The following SLC24A1 variants were observed in gnomAD, a reference collection of about 807,000 sequenced individuals.
The protein encoded by SLC24A1 is solute carrier family 24 member 1.
Under a neutral mutation model 88.1 loss-of-function variants are expected in SLC24A1, and 52 were observed. The observed-to-expected ratio is 0.59, with a 90% CI of 0.47 to 0.74. The LOEUF (loss-of-function observed/expected upper bound fraction) is 0.74. Among genes scored for constraint, SLC24A1 ranks in the 30% least tolerant of loss-of-function variants. SLC24A1 has a pLI of 0.00. For missense variants in SLC24A1, 1,173 were observed against 1,363.3 expected, an observed-to-expected ratio of 0.86 and a Z score of 2.20; for synonymous variants, 455 against 498.0, an observed-to-expected ratio of 0.91 and a Z score of 1.15.
chr15:65,660,313 A>G (rs1266336364), downstream of SLC24A1: 5 of 1,534,850 alleles, frequency 3.3e-6, no homozygotes, highest in Non-Finnish European at 4.4e-6. Flanking sequence ...GCATGGTGCT[A>G]TTCACTAATG....
chr15:65,644,225 G>C, intron 4 of SLC24A1: 1 of 598,368 alleles, frequency 1.7e-6, no homozygotes, highest in South Asian at 1.9e-5. Flanking sequence ...ACAATGCAGA[G>C]AATGTAAGAC....
intron 3 of SLC24A1, 115 bp from the exon 4 acceptor site, chr15:65,639,480 G>C: frequency 3.0e-6 from 2 of 662,488 alleles, no homozygotes; most frequent in Non-Finnish European, 5.5e-6. Context: ...TCAGGATAAG[G>C]CATCTGTGCT....
rs775409795 is a variant in SLC24A1, at chr15:65,655,854, A to G, written c.*1775A>G. 213 of 984,958 alleles carry G rather than the reference A, an allele frequency of 2.2e-4. No individual in the cohort carries two copies. Among genetic ancestry groups the G allele is most frequent in the Non-Finnish European group, 2.4e-4 (200 of 829,624 alleles). The allele number at this position is 984,958 out of a possible 1,614,324, so 61.0% of individuals were successfully genotyped here. ...AAATTTCAATAAACTGTGAATCCCA[A>G]TGGTATTTTACTTTACAACATGGAT... On this transcript the variant is annotated 3_prime_UTR_variant, in exon 10 of 10. Coordinates refer to ENST00000261892, the MANE Select transcript of SLC24A1 (RefSeq NM_004727.3).
At position 65,654,733 on chromosome 15, in the gene SLC24A1, T is replaced by G. The variant is rs1468244630; in HGVS notation, c.*654T>G. 2 of 1,248,806 alleles carry G rather than the reference T, an allele frequency of 1.6e-6. No homozygotes were observed. Among genetic ancestry groups the G allele is most frequent in the African/African-American group, 3.1e-5 (2 of 64,390 alleles). The allele number at this position is 1,248,806 out of a possible 1,614,324, so 77.4% of individuals were successfully genotyped here. On this transcript the variant is annotated 3_prime_UTR_variant, in exon 10 of 10. Coordinates refer to ENST00000261892, the MANE Select transcript of SLC24A1 (RefSeq NM_004727.3). ...TTTTTTTTTTTTTTTGAGACAGAGTTTGGCTCTTGTTGCCCAGGCTGGTGT... is the reference window on the plus strand; with the variant it reads ...TTTTTTTTTTTTTTTGAGACAGAGTGTGGCTCTTGTTGCCCAGGCTGGTGT...
At chr15:65,644,787 G>A (rs1046589993) in intron 5 of SLC24A1, among the ~76,000 whole-genome samples, 2 of 152,206 alleles carry the variant, frequency 1.3e-5, no homozygotes, top group Non-Finnish European at 2.9e-5. Context: ...TGGGGTAGGC[G>A]AGGGAAGGCT....
At chr15:65,652,978 A>G (rs534228602) in intron 9 of SLC24A1, 170 bp downstream of exon 9, 2 of 510,660 alleles carry the variant, frequency 3.9e-6, no homozygotes, top group Non-Finnish European at 6.6e-6. Context: ...TCATAGCCAG[A>G]TGGGATAATA....
chr15:65,651,104 G>T (rs1303010460), intron 7 of SLC24A1, among the ~76,000 whole-genome samples, 162 bp downstream of exon 7: 1 of 152,122 alleles, frequency 6.6e-6, no homozygotes, highest in East Asian at 1.9e-4. Context: ...CTTGGAGGGG[G>T]ACTATGTGCT....
chr15:65,618,397 T>C (rs1304446365), upstream of SLC24A1, among the ~76,000 whole-genome samples: 1 of 152,226 alleles, frequency 6.6e-6, no homozygotes, highest in Non-Finnish European at 1.5e-5. Flanking sequence ...CTGTATATAA[T>C]TGACTATTGT....
chr15:65,625,093 C>T lies in SLC24A1; in HGVS notation c.1013C>T (p.Ala338Val). The T allele has an allele frequency of 1.9e-6, 3 of 1,613,662 alleles. No individual in the cohort carries two copies. Among genetic ancestry groups the T allele is most frequent in the Non-Finnish European group, 2.5e-6 (3 of 1,179,868 alleles). The change falls in exon 2 of 10, where the codon GCC (alanine) becomes GTC (valine). Residue 338 changes from alanine (A) to valine (V), a missense_variant. By Grantham distance (64) the Ala-to-Val change is moderately conservative (BLOSUM62 0). Transcript: ENST00000261892. ...GGCAGCAGCCCAGCAGAAACCAAAG[C>T]CTTCACTGCTGCCTGGAGTCTTAGG... Reference protein sequence around the residue: ...MTGSSPAETKAFTAAWSLRNP... With the variant: ...MTGSSPAETKVFTAAWSLRNP...
chr15:65,649,915 C>T (rs988200801), intron 6 of SLC24A1, among the ~76,000 whole-genome samples: 3 of 152,138 alleles, frequency 2.0e-5, no homozygotes, highest in African/African-American at 4.8e-5. Context: ...TTTTGGATGC[C>T]CTCCTCCTGG....
In SLC24A1 at chr15:65,650,922, G is replaced by A; in HGVS notation, c.2773G>A (p.Val925Ile). 6.2e-7 allele frequency: 1 copy of A among 1,613,972 alleles called. No homozygotes were observed. Among genetic ancestry groups the A allele is most frequent in the East Asian group, 2.2e-5 (1 of 44,862 alleles). The change falls in exon 7 of 10, where the codon GTC (valine) becomes ATC (isoleucine). Residue 925 changes from valine (V) to isoleucine (I), a missense_variant. Physicochemically the swap from Val to Ile is conservative, Grantham distance 29 (BLOSUM62 3). Coordinates refer to ENST00000261892, the MANE Select transcript of SLC24A1 (RefSeq NM_004727.3). The surrounding 1 kb of genome is among the most constrained non-coding windows in gnomAD (Gnocchi z 4.1). Reference sequence around the variant, plus strand: ...CATCGTGTTCCCACTGTGGCTGACAGTCCCCGACGTCCGAAGGCAGGTGAG... The same window carrying A: ...CATCGTGTTCCCACTGTGGCTGACAATCCCCGACGTCCGAAGGCAGGTGAG... ...LPIVFPLWLT[V>I]PDVRRQESRK...
intron 3 of SLC24A1, among the ~76,000 whole-genome samples, chr15:65,638,951 A>C (rs2075030890): frequency 1.3e-5 from 2 of 152,206 alleles, no homozygotes; most frequent in Non-Finnish European, 2.9e-5. Context: ...GTGTCTGTAC[A>C]GTATAGATGT....
rs2075454377 is a variant in SLC24A1 at position 65,650,356 on chromosome 15, A to G, written c.2233-26A>G. The G allele has an allele frequency of 9.1e-6, 14 of 1,539,382 alleles. No individual in the cohort carries two copies. The highest frequency in any genetic ancestry group is 1.2e-5 in the Non-Finnish European group (14 of 1,137,392). On this transcript the variant is annotated intron_variant, in intron 6 of 9. Coordinates refer to ENST00000261892, the MANE Select transcript of SLC24A1 (RefSeq NM_004727.3). The surrounding 1 kb of genome is among the most constrained non-coding windows in gnomAD (Gnocchi z 4.1). ...AAAACAAGCAGAGCAGTTACCACACATTAATCTGTTGGTTTTGGATTGCAG... is the reference window on the plus strand; with the variant it reads ...AAAACAAGCAGAGCAGTTACCACACGTTAATCTGTTGGTTTTGGATTGCAG...
Position 65,648,057 on chromosome 15 carries a change from G to A in SLC24A1, c.2233-2325G>A, listed in dbSNP as rs377172410. 4.5e-4 allele frequency among the ~76,000 whole-genome samples: 69 copies of A among 152,240 alleles called. No homozygotes were observed. In the East Asian group the frequency reaches 0.011, roughly 25 times the overall value. On this transcript the variant is annotated intron_variant, in intron 6 of 9. Transcript: ENST00000261892. ...GGGCGGATCACGAGCTCAGGAGATC[G>A]AGACCATCCTGGCTAACACGGTGAA... is the stretch of plus-strand genomic sequence containing the variant.
intron 6 of SLC24A1, among the ~76,000 whole-genome samples, chr15:65,647,962 G>T (rs2075361513): frequency 6.6e-6 from 1 of 152,120 alleles, no homozygotes; most frequent in Admixed American, 6.5e-5. Context: ...GGCATCAATG[G>T]TTTAAAAAGC....
Position 65,650,541 on chromosome 15 carries a change from A to G in SLC24A1, c.2392A>G (p.Asn798Asp), listed in dbSNP as rs2075460641. Reference protein sequence around the residue: ...QGKGEECEDENEAEGKGDNEG... With the variant: ...QGKGEECEDEDEAEGKGDNEG... The stretch of plus-strand genomic sequence containing the variant: ...AAAAGGAGAAGAATGTGAAGATGAA[A>G]ATGAAGCAGAAGGAAAAGGAGACAA... The change falls in exon 7 of 10, where the codon AAT becomes GAT. Residue 798 changes from asparagine to aspartate, a missense_variant. Asn to Asp is a conservative substitution (Grantham distance 23, BLOSUM62 1). Coordinates refer to ENST00000261892, the MANE Select transcript of SLC24A1 (RefSeq NM_004727.3). This position sits in a 1 kb window ranked among gnomAD's most constrained non-coding sequence, Gnocchi z 4.1. 6.4e-7 allele frequency: 1 copy of G among 1,551,950 alleles called. No homozygotes were observed. The highest frequency in any genetic ancestry group is 8.7e-7 in the Non-Finnish European group (1 of 1,147,066).
upstream of SLC24A1, among the ~76,000 whole-genome samples, chr15:65,621,676 C>T (rs1331727763): frequency 6.6e-6 from 1 of 152,166 alleles, no homozygotes; most frequent in Non-Finnish European, 1.5e-5. Flanking sequence ...TGAATCTTTT[C>T]AAAACTTTCC....
At chr15:65,612,414 G>A (rs1246918299) in intron 1 of SLC24A1, 2 of 152,412 alleles carry the variant, frequency 1.3e-5, no homozygotes, top group African/African-American at 4.8e-5. Flanking sequence ...AGACAAATCT[G>A]TCTGACTTCT....
Position 65,651,725 on chromosome 15 carries a change from T to C in SLC24A1, c.2849T>C (p.Met950Thr). 1 of 1,610,092 alleles carries C rather than the reference T, an allele frequency of 6.2e-7. No individual in the cohort carries two copies. ...TFLGSIMWIAMFSYLMVWWAH... is the reference protein window; with the variant it reads ...TFLGSIMWIATFSYLMVWWAH... ...CTGGGATCTATCATGTGGATAGCCA[T>C]GTTCTCATACCTCATGGTGTGGTGG... The change falls in exon 8 of 10, where the codon ATG (methionine) becomes ACG (threonine). Residue 950 changes from methionine to threonine, a missense_variant. By Grantham distance (81) the Met-to-Thr change is moderately conservative. Coordinates refer to ENST00000261892, the MANE Select transcript of SLC24A1 (RefSeq NM_004727.3).
Sources: gnomAD v4.1 joint callset for allele counts (sites outside exome capture counted in the v4.1 genomes callset) on GRCh38, gnomAD v4.1.1 for gene constraint, Gnocchi (gnomAD v3.1) non-coding constraint, MANE v1.5 for transcripts, NCBI Gene and HGNC (gene_info 2026-07-23, HGNC 2026-07-21) for gene names.